MTAP: variants seen among roughly 807,000 people sequenced by gnomAD.
MTAP encodes the protein methylthioadenosine phosphorylase.
A neutral mutation model predicts 33.6 loss-of-function variants in MTAP; 33 were observed. The observed-to-expected ratio is 0.98, with a 90% CI of 0.74 to 1.31. MTAP has a LOEUF of 1.31. Ranked by LOEUF, MTAP falls within the 40% of genes most tolerant of loss-of-function variation. The pLI, the probability that MTAP is intolerant of heterozygous loss-of-function variation, is 0.00. For synonymous variants in MTAP, 148 were observed against 125.7 expected (o/e 1.18, Z -1.19); for missense variants, 367 against 360.0 (o/e 1.02, Z -0.16).
At chr9:21,802,986 A>ACC (rs1028767944) in intron 1 of MTAP, 1 of 270,846 alleles carries the variant, frequency 3.7e-6, no homozygotes, top group African/African-American at 1.0e-4. Context: ...CGCACCGCCA[A>ACC]CACACACACA....
At chr9:21,868,221 G>T (rs950830036), downstream of MTAP, among the ~76,000 whole-genome samples, 1 of 152,184 alleles carries the variant, frequency 6.6e-6, no homozygotes, top group East Asian at 1.9e-4. Flanking sequence ...TACTAGAGGA[G>T]ACCTAGCTTC....
intron 4 of MTAP, among the ~76,000 whole-genome samples, chr9:21,834,948 A>C (rs9298827): frequency 0.012 from 1,848 of 152,264 alleles, 36 homozygotes; most frequent in African/African-American, 0.039. Context: ...GCAAGGGTGT[A>C]TATGTGTGTC....
chr9:21,803,066 C>CGCGCG, intron 1 of MTAP: 1 of 853,100 alleles, frequency 1.2e-6, no homozygotes, highest in Non-Finnish European at 1.6e-6. Flanking sequence ...CACCCGCACC[C>CGCGCG]TGTAGGGCGT....
intron 4 of MTAP, among the ~76,000 whole-genome samples, chr9:21,830,240 G>A (rs1243204470): frequency 1.6e-4 from 25 of 152,172 alleles, no homozygotes; most frequent in Non-Finnish European, 1.5e-5. Flanking sequence ...TTGTTGCACA[G>A]GGACGAGTTT....
Position 21,807,503 on chromosome 9 carries a change from A to G in MTAP, c.33+4722A>G, listed in dbSNP as rs537678210. On this transcript the variant is annotated intron_variant, in intron 1 of 7. Coordinates refer to ENST00000644715, the MANE Select transcript of MTAP (RefSeq NM_002451.4). ...TGGGCAGGACAATTATTTCTTTTGT[A>G]GGACTGTCCCAAGCATTGCAGGACA... Among the ~76,000 whole-genome samples the G allele has an allele frequency of 1.8e-4, 27 of 152,306 alleles. 1 individual carries two copies. Among genetic ancestry groups the G allele is most frequent in the Middle Eastern group, 3.4e-3 (1 of 294 alleles).
chr9:21,844,082 T>C (rs1249522903), intron 5 of MTAP, among the ~76,000 whole-genome samples: 1 of 152,160 alleles, frequency 6.6e-6, no homozygotes, highest in Non-Finnish European at 1.5e-5. Flanking sequence ...AAAAGACTAT[T>C]CAAGGCTACT....
chr9:21,903,237 G>A (rs1818420672), intron 1 of MTAP, among the ~76,000 whole-genome samples: 1 of 152,140 alleles, frequency 6.6e-6, no homozygotes, highest in Admixed American at 6.5e-5. Flanking sequence ...GTGAGTCTGG[G>A]GGAGGCATAC....
At chr9:21,833,247 G>A (rs1208600292) in intron 4 of MTAP, among the ~76,000 whole-genome samples, 2 of 152,026 alleles carry the variant, frequency 1.3e-5, no homozygotes, top group Admixed American at 6.6e-5. Context: ...GTACAGTGGC[G>A]CCACAGCTCA....
At chr9:21,811,450 A>AT (rs34749428) in intron 1 of MTAP, among the ~76,000 whole-genome samples, 7,213 of 151,258 alleles carry the variant, frequency 0.048, 194 homozygotes, top group Middle Eastern at 0.086. Flanking sequence ...GAACAAAAAA[A>AT]TTTTTTTTTT....
chr9:21,899,481 T>C (rs1818353302), intron 1 of MTAP, among the ~76,000 whole-genome samples: 2 of 151,726 alleles, frequency 1.3e-5, no homozygotes, highest in African/African-American at 4.8e-5. Context: ...TGCCCAAGAT[T>C]GGGTAATTTA....
At chr9:21,861,560 G>A (rs1825753955) in intron 7 of MTAP, 1 of 165,950 alleles carries the variant, frequency 6.0e-6, no homozygotes, top group African/African-American at 2.4e-5. Flanking sequence ...ATACGTCAAG[G>A]TCTGGTTTGC....
intron 1 of MTAP, among the ~76,000 whole-genome samples, chr9:21,897,248 T>C (rs1026547550): frequency 6.6e-6 from 1 of 152,294 alleles, no homozygotes; most frequent in Non-Finnish European, 1.5e-5. Context: ...ATAAGAGCTA[T>C]TTATGACAAA....
chr9:21,859,318 G>C lies in MTAP; in HGVS notation c.706G>C (p.Val236Leu), dbSNP rs139815499. 1 of 1,611,898 alleles carries C rather than the reference G, an allele frequency of 6.2e-7. No homozygotes were observed. The highest frequency in any genetic ancestry group is 1.3e-5 in the African/African-American group (1 of 74,854). ...GTTTCTCTAGGTTTCGGTGGACCGGGTCTTAAAGACCCTGAAAGAAAACGC... is the reference window on the plus strand; with the variant it reads ...GTTTCTCTAGGTTTCGGTGGACCGGCTCTTAAAGACCCTGAAAGAAAACGC... ...EHEEAVSVDRVLKTLKENANK... is the reference protein window; with the variant it reads ...EHEEAVSVDRLLKTLKENANK... Residue 236 changes from valine (V) to leucine (L), a missense_variant, in exon 7 of 8, where the codon GTC becomes CTC. Val to Leu is a conservative substitution (Grantham distance 32, BLOSUM62 1). Transcript: ENST00000644715.
chr9:21,854,343 C>A (rs1825585042), intron 5 of MTAP, among the ~76,000 whole-genome samples: 1 of 152,162 alleles, frequency 6.6e-6, no homozygotes, highest in Non-Finnish European at 1.5e-5. Context: ...GAGATTAAAG[C>A]ATATAAACAA....
chr9:21,878,161 T>C (rs905340139), intron 1 of MTAP, among the ~76,000 whole-genome samples: 4 of 152,130 alleles, frequency 2.6e-5, no homozygotes, highest in African/African-American at 9.7e-5. Context: ...ATAGAATCTT[T>C]GAGGTTTTCT....
chr9:21,931,901 G>A (rs554810840), downstream of MTAP: 1 of 152,298 alleles, frequency 6.6e-6, no homozygotes, highest in African/African-American at 2.4e-5. Context: ...CAAAAAGCAA[G>A]CTGCTGCAGA....
At chr9:21,842,813 C>T (rs1314369092) in intron 5 of MTAP, among the ~76,000 whole-genome samples, 4 of 152,050 alleles carry the variant, frequency 2.6e-5, no homozygotes, top group East Asian at 1.9e-4. Context: ...CTCATTAAAG[C>T]GTAAATCTCA....
chr9:21,813,513 A>G (rs746643633), intron 1 of MTAP, among the ~76,000 whole-genome samples: 16 of 152,168 alleles, frequency 1.1e-4, no homozygotes, highest in Non-Finnish European at 7.4e-5. Context: ...CCTGGTTAGC[A>G]TTTCTCAACA....
chr9:21,886,578 G>A (rs1818114714), intron 1 of MTAP, among the ~76,000 whole-genome samples: 1 of 152,006 alleles, frequency 6.6e-6, no homozygotes, highest in Admixed American at 6.6e-5. Context: ...AATTTTTATG[G>A]TTTCAGGTCT....
Sources: gnomAD v4.1 joint callset for allele counts (sites outside exome capture counted in the v4.1 genomes callset) on GRCh38, gnomAD v4.1.1 for gene constraint, MANE v1.5 for transcripts, NCBI Gene and HGNC (gene_info 2026-07-23, HGNC 2026-07-21) for gene names.